Variants in C12orf42 observed in about 807,000 individuals in gnomAD.
C12orf42 encodes the protein uncharacterized protein C12orf42.
In C12orf42, 25 loss-of-function variants were observed where a neutral mutation model predicts 21.6. The ratio of observed to expected loss-of-function variants is 1.16; its 90% confidence interval spans 0.84 to 1.62. The LOEUF (loss-of-function observed/expected upper bound fraction) is 1.62, where lower values mean the gene tolerates loss of function less well. Among genes scored for constraint, C12orf42 ranks in the 40% most tolerant of loss-of-function variants. The probability of loss-of-function intolerance (pLI) is 0.00; values close to 1 mark genes in which losing one functional copy is unlikely to be tolerated. For synonymous variants in C12orf42, 174 were observed against 175.0 expected (o/e 0.99, Z 0.05); for missense variants, 483 against 459.3 (o/e 1.05, Z -0.47).
At chr12:103,284,398 T>C (rs1022510759) in intron 4 of C12orf42, among the ~76,000 whole-genome samples, 2 of 152,164 alleles carry the variant, frequency 1.3e-5, no homozygotes, top group Admixed American at 6.5e-5. Context: ...ACCAACCTTA[T>C]AGAGCTCTAT....
intron 4 of C12orf42, among the ~76,000 whole-genome samples, chr12:103,364,673 T>C (rs2044432322): frequency 6.6e-6 from 1 of 151,820 alleles, no homozygotes; most frequent in Admixed American, 6.6e-5. Context: ...ATCAGAGAAA[T>C]ACAAAATATC....
At chr12:103,362,318 C>T (rs1262669195) in intron 4 of C12orf42, among the ~76,000 whole-genome samples, 20 of 152,124 alleles carry the variant, frequency 1.3e-4, no homozygotes, top group Admixed American at 1.2e-3. Context: ...GAGAGTACTA[C>T]ATCAAGGGAA....
chr12:103,145,523 A>G, the C12orf42 span, among the ~76,000 whole-genome samples: 1 of 152,246 alleles, frequency 6.6e-6, no homozygotes, highest in African/African-American at 2.4e-5. Context: ...CATTATTGGT[A>G]GAAGATTAAA....
At chr12:103,257,308 G>T (rs1593224677) in intron 10 of C12orf42, among the ~76,000 whole-genome samples, 1 of 152,036 alleles carries the variant, frequency 6.6e-6, no homozygotes, top group East Asian at 1.9e-4. Context: ...ATGATGCAAT[G>T]ACACAAATTT....
chr12:103,104,337 GA>G, the C12orf42 span, among the ~76,000 whole-genome samples: 1 of 152,228 alleles, frequency 6.6e-6, no homozygotes, highest in South Asian at 2.1e-4. Flanking sequence ...TAAACAGCCA[GA>G]GTGAAGACTG....
chr12:103,358,971 C>G (rs2043832592), intron 4 of C12orf42, among the ~76,000 whole-genome samples: 1 of 152,074 alleles, frequency 6.6e-6, no homozygotes, highest in Non-Finnish European at 1.5e-5. Flanking sequence ...CTAGAAAGTT[C>G]TTCATAGTCT....
At chr12:103,435,462 G>A (rs1463119618) in intron 2 of C12orf42, among the ~76,000 whole-genome samples, 1 of 152,226 alleles carries the variant, frequency 6.6e-6, no homozygotes, top group Non-Finnish European at 1.5e-5. Flanking sequence ...TGAGCTATGG[G>A]AGGACATCCA....
chr12:103,507,186 AAT>A, the C12orf42 span, among the ~76,000 whole-genome samples: 25 of 21,988 alleles, frequency 1.1e-3, no homozygotes, highest in Admixed American at 3.0e-3. Context: ...TATTATATAT[AAT>A]ATATATATAT....
At chr12:103,301,357 A>G (rs1203764666), downstream of C12orf42, among the ~76,000 whole-genome samples, 7 of 152,182 alleles carry the variant, frequency 4.6e-5, no homozygotes, top group East Asian at 1.3e-3. Context: ...ACTATATTAA[A>G]AAGAGAAAAA....
chr12:103,420,683 C>T (rs1593931728), intron 2 of C12orf42, among the ~76,000 whole-genome samples: 1 of 152,288 alleles, frequency 6.6e-6, no homozygotes, highest in Non-Finnish European at 1.5e-5. Context: ...GCGCACACCA[C>T]CACACCCGGT....
At chr12:103,105,213 G>C in the C12orf42 span, among the ~76,000 whole-genome samples, 2 of 152,142 alleles carry the variant, frequency 1.3e-5, no homozygotes, top group South Asian at 2.1e-4. Context: ...TCATATGGGA[G>C]AATGATCCAC....
downstream of C12orf42, among the ~76,000 whole-genome samples, chr12:103,297,340 C>T (rs1445018555): frequency 2.6e-5 from 4 of 152,066 alleles, no homozygotes; most frequent in Non-Finnish European, 4.4e-5. Context: ...CTTGGCAATG[C>T]GGGCTCTTTT....
chr12:103,096,458 AT>A, the C12orf42 span, among the ~76,000 whole-genome samples: 1 of 152,298 alleles, frequency 6.6e-6, no homozygotes, highest in African/African-American at 2.4e-5. Context: ...CTGTGAAAAA[AT>A]TTTTGAGTCC....
chr12:103,333,375 C>G (rs930091854), intron 4 of C12orf42, among the ~76,000 whole-genome samples: 4 of 152,170 alleles, frequency 2.6e-5, no homozygotes, highest in Non-Finnish European at 4.4e-5. Flanking sequence ...AGTAAATGCT[C>G]AATAAATGTC....
chr12:103,311,678 T>C (rs1169430954), intron 4 of C12orf42, among the ~76,000 whole-genome samples: 4 of 152,100 alleles, frequency 2.6e-5, no homozygotes, highest in African/African-American at 9.7e-5. Context: ...CCATAGCCCA[T>C]GACTTAAAGT....
At chr12:103,069,556 G>A in the C12orf42 span, among the ~76,000 whole-genome samples, 2 of 152,088 alleles carry the variant, frequency 1.3e-5, no homozygotes, top group South Asian at 2.1e-4. Flanking sequence ...TGTTCTGAAA[G>A]CAAAAGAGCA....
At chr12:103,063,716 G>T in the C12orf42 span, among the ~76,000 whole-genome samples, 4 of 152,152 alleles carry the variant, frequency 2.6e-5, no homozygotes, top group Non-Finnish European at 4.4e-5. Flanking sequence ...CTAGACTAAA[G>T]TCCCAGCAGG....
chr12:103,065,867 CA>C, the C12orf42 span, among the ~76,000 whole-genome samples: 4 of 152,312 alleles, frequency 2.6e-5, no homozygotes, highest in African/African-American at 9.6e-5. Context: ...GCCCATTTAT[CA>C]AGTGGCCTGA....
At chr12:103,133,791 G>A in the C12orf42 span, among the ~76,000 whole-genome samples, 1 of 152,148 alleles carries the variant, frequency 6.6e-6, no homozygotes, top group African/African-American at 2.4e-5. Context: ...TGAATCATGG[G>A]GGCAGTTTCC....
Sources: gnomAD v4.1 joint callset for allele counts (sites outside exome capture counted in the v4.1 genomes callset) on GRCh38, gnomAD v4.1.1 for gene constraint, MANE v1.5 for transcripts, NCBI Gene and HGNC (gene_info 2026-07-23, HGNC 2026-07-21) for gene names.